Variants in ATP9B observed in about 807,000 individuals in gnomAD.
The protein encoded by ATP9B is probable phospholipid-transporting ATPase IIB.
A neutral mutation model predicts 146.1 loss-of-function variants in ATP9B; 110 were observed. The ratio of observed to expected loss-of-function variants is 0.75; its 90% CI spans 0.65 to 0.88. The LOEUF (loss-of-function observed/expected upper bound fraction) is 0.88. Among genes scored for constraint, ATP9B ranks in the 40% least tolerant of loss-of-function variants. ATP9B has a pLI of 0.00. For missense variants in ATP9B, 1,499 were observed against 1,496.4 expected (o/e 1.00, Z -0.03); for synonymous variants, 604 against 569.7 (o/e 1.06, Z -0.86).
At chr18:79,201,826 T>A (rs554538765) in intron 9 of ATP9B, among the ~76,000 whole-genome samples, 2 of 152,284 alleles carry the variant, frequency 1.3e-5, no homozygotes, top group South Asian at 4.2e-4. Flanking sequence ...CCCAAAGTGC[T>A]GGGATTACAG....
chr18:79,304,701 C>G (rs949475292), intron 14 of ATP9B, among the ~76,000 whole-genome samples: 3 of 152,174 alleles, frequency 2.0e-5, no homozygotes, highest in Admixed American at 6.5e-5. Context: ...TCAGAGCCAC[C>G]ACACTGAGCA....
intron 5 of ATP9B, among the ~76,000 whole-genome samples, chr18:79,140,399 ATTTTC>A (rs1056292736): frequency 2.0e-5 from 3 of 152,064 alleles, no homozygotes; most frequent in Non-Finnish European, 4.4e-5. Context: ...ATAGTATTAT[ATTTTC>A]TTTACACGGG....
chr18:79,328,205 GCA>G (rs2096771745), intron 15 of ATP9B, among the ~76,000 whole-genome samples: 2 of 152,196 alleles, frequency 1.3e-5, no homozygotes, highest in African/African-American at 2.4e-5. Context: ...TCCGTGGTTA[GCA>G]TGTTCCCCAT....
intron 11 of ATP9B, among the ~76,000 whole-genome samples, chr18:79,235,647 C>G (rs1187478513): frequency 7.6e-6 from 1 of 132,346 alleles, no homozygotes; most frequent in Non-Finnish European, 1.7e-5. Context: ...TCACACTTGT[C>G]AAGAAGTAGA....
Position 79,069,530 on chromosome 18 carries a change from G to A in ATP9B, c.119+1G>A. The A allele has an allele frequency of 1.5e-6, 2 of 1,368,842 alleles. No homozygotes were observed. Among genetic ancestry groups the A allele is most frequent in the East Asian group, 3.1e-5 (1 of 32,168 alleles). The allele number at this position is 1,368,842 out of a possible 1,614,324, so 84.8% of individuals were successfully genotyped here. A position where few individuals can be genotyped will look rare whatever the true frequency, so the allele number is the denominator to read the frequency against. On this transcript the variant is annotated splice_donor_variant, in intron 1 of 29. Transcript: ENST00000426216. LOFTEE classifies it high-confidence loss of function. ...GGCCGGGAGCCGACCGGCACAGCAG[G>A]TAACCGAGGCGGCACTGGCCCCGTT...
chr18:79,288,081 T>A (rs1431657689), intron 13 of ATP9B, among the ~76,000 whole-genome samples: 18 of 151,922 alleles, frequency 1.2e-4, no homozygotes, highest in Admixed American at 4.6e-4. Context: ...TGCTGAAAAA[T>A]ATGTATATTC....
At chr18:79,358,978 G>T (rs2096970657) in intron 25 of ATP9B, among the ~76,000 whole-genome samples, 1 of 151,892 alleles carries the variant, frequency 6.6e-6, no homozygotes, top group South Asian at 2.1e-4. Flanking sequence ...TGTCCGTGTG[G>T]ATGCTGGTGG....
At chr18:79,369,348 A>G (rs2097055091) in intron 26 of ATP9B, among the ~76,000 whole-genome samples, 2 of 151,990 alleles carry the variant, frequency 1.3e-5, no homozygotes, top group African/African-American at 4.8e-5. Context: ...CCTGGCTCAC[A>G]CGGTGAAACC....
chr18:79,231,870 T>C (rs933124529), intron 11 of ATP9B, among the ~76,000 whole-genome samples: 4 of 149,688 alleles, frequency 2.7e-5, no homozygotes, highest in African/African-American at 9.9e-5. Context: ...TTAAAACAAC[T>C]TGGATGGAAT....
intron 13 of ATP9B, among the ~76,000 whole-genome samples, chr18:79,297,205 C>T (rs760651820): frequency 2.6e-4 from 36 of 140,138 alleles, no homozygotes; most frequent in Admixed American, 2.2e-3. Flanking sequence ...GAGACACAGA[C>T]GACCCAGAGA....
At chr18:79,267,138 T>G (rs1446345270) in intron 12 of ATP9B, among the ~76,000 whole-genome samples, 1 of 152,098 alleles carries the variant, frequency 6.6e-6, no homozygotes, top group Non-Finnish European at 1.5e-5. Flanking sequence ...ATTTCTTGAG[T>G]CAGTTTTGCA....
At chr18:79,129,749 T>C (rs919681276) in intron 5 of ATP9B, among the ~76,000 whole-genome samples, 69 of 151,918 alleles carry the variant, frequency 4.5e-4, no homozygotes, top group African/African-American at 1.4e-3. Flanking sequence ...TTTCTTTTTT[T>C]CTTTTTTTTT....
chr18:79,273,094 T>C (rs1435451486), intron 12 of ATP9B, among the ~76,000 whole-genome samples: 3 of 152,214 alleles, frequency 2.0e-5, no homozygotes, highest in Non-Finnish European at 4.4e-5. Context: ...GGAGAAACTT[T>C]CCACGCTGAG....
At chr18:79,215,462 G>T (rs1477055467) in intron 11 of ATP9B, among the ~76,000 whole-genome samples, 1 of 152,100 alleles carries the variant, frequency 6.6e-6, no homozygotes, top group Non-Finnish European at 1.5e-5. Context: ...CGTTACTATT[G>T]AGTATAAATC....
chr18:79,266,076 T>C (rs1438220001), intron 12 of ATP9B, among the ~76,000 whole-genome samples: 1 of 152,210 alleles, frequency 6.6e-6, no homozygotes, highest in Non-Finnish European at 1.5e-5. Flanking sequence ...CTGGGTTCTC[T>C]ATTCTGTTTC....
chr18:79,218,749 GCCAATTACATA>G (rs1188586023), intron 11 of ATP9B, among the ~76,000 whole-genome samples: 6 of 152,228 alleles, frequency 3.9e-5, no homozygotes, highest in Non-Finnish European at 1.5e-5. Flanking sequence ...TACTGATGTG[GCCAATTACATA>G]CTGACTGATT....
At chr18:79,091,865 T>G (rs1279733303) in intron 1 of ATP9B, among the ~76,000 whole-genome samples, 3 of 152,216 alleles carry the variant, frequency 2.0e-5, no homozygotes, top group Admixed American at 2.0e-4. Flanking sequence ...CAGTTGCTAT[T>G]GTGGATTTGT....
intron 11 of ATP9B, among the ~76,000 whole-genome samples, chr18:79,234,335 G>A (rs1290736699): frequency 3.3e-5 from 5 of 152,190 alleles, no homozygotes; most frequent in East Asian, 1.9e-4. Flanking sequence ...TCCTCTCACC[G>A]TTGACCTTTT....
intron 13 of ATP9B, among the ~76,000 whole-genome samples, chr18:79,293,169 TA>T (rs1374094699): frequency 1.5e-4 from 23 of 151,454 alleles, no homozygotes; most frequent in African/African-American, 5.3e-4. Context: ...GTTGGATACT[TA>T]TCCCACTTGT....
Sources: gnomAD v4.1 joint callset for allele counts (sites outside exome capture counted in the v4.1 genomes callset) on GRCh38, gnomAD v4.1.1 for gene constraint, MANE v1.5 for transcripts, NCBI Gene and HGNC (gene_info 2026-07-23, HGNC 2026-07-21) for gene names.